Variants in TLL2 observed in about 807,000 individuals in gnomAD.
The protein encoded by TLL2 is tolloid-like protein 2.
Under a neutral mutation model 123.0 loss-of-function variants are expected in TLL2, and 106 were observed. The observed-to-expected ratio is 0.86, with a 90% CI of 0.74 to 1.01. The LOEUF (loss-of-function observed/expected upper bound fraction) is 1.01, where lower values mean the gene tolerates loss of function less well. TLL2 is among the 50% of genes least tolerant of loss of function. The pLI, the probability that TLL2 is intolerant of heterozygous loss-of-function variation, is 0.00. For missense variants in TLL2, 1,332 were observed against 1,336.7 expected (o/e 1.00, Z 0.06); for synonymous variants, 494 against 516.8 (o/e 0.96, Z 0.60).
At chr10:96,496,203 C>T (rs1319563706) in intron 1 of TLL2, among the ~76,000 whole-genome samples, 1 of 152,164 alleles carries the variant, frequency 6.6e-6, no homozygotes, top group African/African-American at 2.4e-5. Flanking sequence ...TTGATCACAG[C>T]TCTCCTGTCC....
intron 2 of TLL2, among the ~76,000 whole-genome samples, chr10:96,469,128 G>A (rs10786293): frequency 0.19 from 28,822 of 152,180 alleles, 2,871 homozygotes; most frequent in South Asian, 0.34. Flanking sequence ...TGCTTTCTGC[G>A]GGCTGAGCCC....
chr10:96,370,716 C>T (rs116436332), intron 19 of TLL2, among the ~76,000 whole-genome samples: 1 of 152,168 alleles, frequency 6.6e-6, no homozygotes, highest in Non-Finnish European at 1.5e-5. Context: ...GGCTCCCACT[C>T]GCCCCACCGA....
At chr10:96,490,339 A>G (rs1166155623) in intron 1 of TLL2, among the ~76,000 whole-genome samples, 3 of 152,208 alleles carry the variant, frequency 2.0e-5, no homozygotes, top group Non-Finnish European at 4.4e-5. Context: ...TGGCAAGATG[A>G]TATTAATGTT....
rs778908316 is a variant in TLL2, at chr10:96,395,329, G to A, written c.1584C>T (p.Pro528=). ...AYDYLEVRDG[P]TEESALIGHF... ...GGCCGATCAGGGCACTCTCTTCCGTGGGGCCATCCCGGACTTCCAGGTAGT... is the reference window on the plus strand; with the variant it reads ...GGCCGATCAGGGCACTCTCTTCCGTAGGGCCATCCCGGACTTCCAGGTAGT... The change falls in exon 13 of 21, where the codon CCC becomes CCT. Residue 528 remains proline (P), a synonymous_variant. Coordinates refer to ENST00000357947, the MANE Select transcript of TLL2 (RefSeq NM_012465.4). The A allele has an allele frequency of 3.7e-6, 6 of 1,612,988 alleles. No homozygotes were observed. Among genetic ancestry groups the A allele is most frequent in the Non-Finnish European group, 3.4e-6 (4 of 1,179,672 alleles).
chr10:96,468,589 C>T (rs2134097816), intron 2 of TLL2, among the ~76,000 whole-genome samples: 1 of 152,320 alleles, frequency 6.6e-6, no homozygotes, highest in South Asian at 2.1e-4. Context: ...TATCTCACAA[C>T]TAAAGAGCCT....
chr10:96,464,000 G>A (rs1331578135), intron 2 of TLL2, among the ~76,000 whole-genome samples: 3 of 152,178 alleles, frequency 2.0e-5, no homozygotes, highest in South Asian at 2.1e-4. Context: ...CCTCTCTCAC[G>A]GCACTGGAGG....
intron 2 of TLL2, among the ~76,000 whole-genome samples, chr10:96,458,171 G>C (rs375267886): frequency 1.3e-5 from 2 of 152,064 alleles, no homozygotes; most frequent in African/African-American, 4.8e-5. Flanking sequence ...GTGTGGAGAC[G>C]GGGAGGAGAG....
intron 19 of TLL2, among the ~76,000 whole-genome samples, chr10:96,371,994 G>A (rs1846088608): frequency 6.6e-6 from 1 of 152,108 alleles, no homozygotes; most frequent in Non-Finnish European, 1.5e-5. Flanking sequence ...TGGCTTCATT[G>A]TCCTACAGTG....
chr10:96,392,026 G>A (rs1846294766), intron 13 of TLL2, among the ~76,000 whole-genome samples: 2 of 152,304 alleles, frequency 1.3e-5, no homozygotes, highest in East Asian at 1.9e-4. Context: ...CAATGTCATC[G>A]CGCATTTGCT....
chr10:96,494,317 G>A (rs1366144880), intron 1 of TLL2, among the ~76,000 whole-genome samples: 1 of 152,208 alleles, frequency 6.6e-6, no homozygotes, highest in Admixed American at 6.5e-5. Context: ...CCTCCACTCC[G>A]CTGCCACCTC....
chr10:96,377,719 G>C (rs1332515717), intron 17 of TLL2, among the ~76,000 whole-genome samples: 2 of 152,222 alleles, frequency 1.3e-5, no homozygotes, highest in East Asian at 3.8e-4. Flanking sequence ...GGGCAGGAAG[G>C]GGAGGAAACA....
intron 15 of TLL2, 89 bp downstream of exon 15, chr10:96,385,966 A>G (rs777373705): frequency 5.8e-5 from 78 of 1,355,876 alleles, no homozygotes; most frequent in Non-Finnish European, 6.6e-5. Context: ...AACACAAGCC[A>G]TCTCCCTGCC....
intron 13 of TLL2, among the ~76,000 whole-genome samples, chr10:96,394,946 T>C (rs1288125966): frequency 6.6e-6 from 1 of 152,254 alleles, no homozygotes; most frequent in Non-Finnish European, 1.5e-5. Flanking sequence ...CCTTGTAAAC[T>C]TATTAGATCT....
chr10:96,387,014 G>T lies in TLL2; in HGVS notation c.1791C>A (p.Gly597=), dbSNP rs1341491806. ...GCEHRCVNTL[G]SYKCACDPGY... is the part of the protein sequence containing the mutation. ...CAGGGTCACAGGCACACTTGTAGCT[G>T]CCCAGCGTGTTCACACAGCGATGCT... Residue 597 remains glycine (G), a synonymous_variant, in exon 14 of 21, where the codon GGC becomes GGA. Transcript: ENST00000357947. 1 of 1,614,040 alleles carries T rather than the reference G, an allele frequency of 6.2e-7. No individual in the cohort carries two copies. The highest frequency in any genetic ancestry group is 1.1e-5 in the South Asian group (1 of 91,078).
At chr10:96,449,018 C>T (rs1162115898) in intron 2 of TLL2, among the ~76,000 whole-genome samples, 1 of 152,150 alleles carries the variant, frequency 6.6e-6, no homozygotes, top group Non-Finnish European at 1.5e-5. Flanking sequence ...CAAGTGCCCC[C>T]CAGTGATGGA....
Position 96,386,189 on chromosome 10 carries a change from G to T in TLL2, c.1879C>A (p.Leu627Met), listed in dbSNP as rs759752620. ...EVACGGFITK[L>M]NGTITSPGWP... ...CCAGGGCTGGTGATGGTTCCATTCA[G>T]CTTGGTAATGAAACCGCCACAGGCC... The change falls in exon 15 of 21, where the codon CTG (leucine) becomes ATG (methionine). Residue 627 changes from leucine to methionine, a missense_variant. Physicochemically the swap from Leu to Met is conservative, Grantham distance 15. Coordinates refer to ENST00000357947, the MANE Select transcript of TLL2 (RefSeq NM_012465.4). 7 of 1,602,368 alleles carry T rather than the reference G, an allele frequency of 4.4e-6. No individual in the cohort carries two copies. In the South Asian group the frequency reaches 7.8e-5, roughly 18 times the overall value.
intron 15 of TLL2, among the ~76,000 whole-genome samples, chr10:96,384,974 C>G (rs753529733): frequency 6.6e-6 from 1 of 152,210 alleles, no homozygotes; most frequent in Non-Finnish European, 1.5e-5. Context: ...TGTGGGGGTG[C>G]CATCGCCTGG....
Position 96,368,076 on chromosome 10 carries a change from A to C in TLL2, c.*12T>G. On this transcript the variant is annotated 3_prime_UTR_variant, in exon 21 of 21. Coordinates refer to ENST00000357947, the MANE Select transcript of TLL2 (RefSeq NM_012465.4). ...AAAAATTCTCAGTTTCTGTCTTTCA[A>C]GAACATCAGCACTATTTCTTCATGT... 6.2e-7 allele frequency: 1 copy of C among 1,611,788 alleles called. No individual in the cohort carries two copies. The highest frequency in any genetic ancestry group is 8.5e-7 in the Non-Finnish European group (1 of 1,179,094).
At chr10:96,506,294 A>G (rs1436683981) in intron 1 of TLL2, among the ~76,000 whole-genome samples, 1 of 149,810 alleles carries the variant, frequency 6.7e-6, no homozygotes, top group Non-Finnish European at 1.5e-5. Flanking sequence ...AAGGAAAGTG[A>G]CAAAGCTGAG....
Sources: gnomAD v4.1 joint callset for allele counts (sites outside exome capture counted in the v4.1 genomes callset) on GRCh38, gnomAD v4.1.1 for gene constraint, MANE v1.5 for transcripts, NCBI Gene and HGNC (gene_info 2026-07-23, HGNC 2026-07-21) for gene names.